Variants in CSMD1 observed in about 807,000 individuals in gnomAD.
CSMD1 encodes CUB and sushi domain-containing protein 1.
Under a neutral mutation model 417.5 loss-of-function variants are expected in CSMD1, and 213 were observed. The observed-to-expected ratio is 0.51, with a 90% confidence interval of 0.46 to 0.57. CSMD1 has a LOEUF of 0.57. CSMD1 is among the 20% of genes least tolerant of loss of function. The pLI, the probability that CSMD1 is intolerant of heterozygous loss-of-function variation, is 0.00. For synonymous variants in CSMD1, 2,862 were observed against 1,736.8 expected (o/e 1.65, Z -16.11); for missense variants, 6,923 against 4,529.7 (o/e 1.53, Z -15.17).
At chr8:4,638,200 T>C (rs910198590) in intron 1 of CSMD1, among the ~76,000 whole-genome samples, 3 of 152,264 alleles carry the variant, frequency 2.0e-5, no homozygotes, top group African/African-American at 7.2e-5. Flanking sequence ...ATCTACATAG[T>C]ATCATGCTTA....
intron 3 of CSMD1, among the ~76,000 whole-genome samples, chr8:4,236,108 C>G (rs947816345): frequency 3.6e-5 from 5 of 139,856 alleles, no homozygotes; most frequent in African/African-American, 1.4e-4. Context: ...AGGCCCAGCA[C>G]AGGGCTTCAA....
At chr8:3,485,772 TAAAATAAAATAAAATA>T (rs1817995193) in intron 11 of CSMD1, among the ~76,000 whole-genome samples, 2 of 11,388 alleles carry the variant, frequency 1.8e-4, no homozygotes, top group African/African-American at 4.9e-4. Context: ...AAAAATAAAA[TAAAATAAAATAAAATA>T]AAATAAAATA....
chr8:4,479,194 G>T (rs1414661846), intron 2 of CSMD1, among the ~76,000 whole-genome samples: 1 of 152,144 alleles, frequency 6.6e-6, no homozygotes, highest in Non-Finnish European at 1.5e-5. Flanking sequence ...ACCTTGAAAT[G>T]TCTTCAGAGC....
chr8:3,342,333 C>A (rs903657301), intron 23 of CSMD1, among the ~76,000 whole-genome samples: 1 of 152,042 alleles, frequency 6.6e-6, no homozygotes, highest in African/African-American at 2.4e-5. Flanking sequence ...TTTTGCCTAT[C>A]CATCAAATAA....
chr8:3,684,603 T>C (rs1799847304), intron 7 of CSMD1, among the ~76,000 whole-genome samples: 1 of 149,008 alleles, frequency 6.7e-6, no homozygotes, highest in Admixed American at 6.7e-5. Flanking sequence ...AGTCTTTTTT[T>C]TTTTTTTTTT....
chr8:4,434,234 T>A (rs896850442), intron 2 of CSMD1, among the ~76,000 whole-genome samples: 1 of 152,030 alleles, frequency 6.6e-6, no homozygotes, highest in Non-Finnish European at 1.5e-5. Context: ...GCTAATTCCA[T>A]AGGGTGTGGC....
At chr8:3,541,775 C>T (rs1398751499) in intron 10 of CSMD1, among the ~76,000 whole-genome samples, 1 of 150,468 alleles carries the variant, frequency 6.6e-6, no homozygotes, top group Admixed American at 6.6e-5. Context: ...ATATCAACTA[C>T]AGCTGTTCTT....
intron 18 of CSMD1, among the ~76,000 whole-genome samples, chr8:3,372,128 G>T (rs1254380390): frequency 6.6e-6 from 1 of 152,206 alleles, no homozygotes; most frequent in Admixed American, 6.5e-5. Context: ...AAAGGGATGG[G>T]ATAGTGTGAG....
chr8:4,878,192 A>C, intron 1 of CSMD1, among the ~76,000 whole-genome samples: 1 of 152,092 alleles, frequency 6.6e-6, no homozygotes, highest in South Asian at 2.1e-4. Context: ...GTGGTTCTTA[A>C]AATCACTCAC....
intron 7 of CSMD1, among the ~76,000 whole-genome samples, chr8:3,638,145 C>T (rs1797136671): frequency 6.6e-6 from 1 of 152,144 alleles, no homozygotes; most frequent in Non-Finnish European, 1.5e-5. Context: ...GTAAGATCTC[C>T]TGCCCCTCAC....
chr8:4,534,632 T>G (rs1797006948), intron 2 of CSMD1, among the ~76,000 whole-genome samples: 1 of 152,112 alleles, frequency 6.6e-6, no homozygotes, highest in Non-Finnish European at 1.5e-5. Context: ...TTTTCCCATT[T>G]TTATGGCCAT....
chr8:3,100,503 G>A (rs769447681), intron 46 of CSMD1, among the ~76,000 whole-genome samples: 10 of 152,214 alleles, frequency 6.6e-5, no homozygotes, highest in Non-Finnish European at 1.3e-4. Flanking sequence ...TAGCTGAGAT[G>A]TTTATTTCTT....
intron 23 of CSMD1, among the ~76,000 whole-genome samples, chr8:3,317,716 A>G (rs1161730757): frequency 2.0e-5 from 3 of 152,210 alleles, no homozygotes; most frequent in African/African-American, 4.8e-5. Flanking sequence ...TGTGTTCACA[A>G]TATCATGCCT....
chr8:4,266,295 T>C (rs1804220064), intron 3 of CSMD1, among the ~76,000 whole-genome samples: 1 of 105,210 alleles, frequency 9.5e-6, no homozygotes, highest in African/African-American at 2.6e-5. Context: ...TTGTTTTCTA[T>C]GTAAGAGAAA....
At chr8:4,713,672 G>A (rs1001720540) in intron 1 of CSMD1, among the ~76,000 whole-genome samples, 4 of 152,078 alleles carry the variant, frequency 2.6e-5, no homozygotes, top group Non-Finnish European at 5.9e-5. Context: ...ACAGAGGTCA[G>A]GACCCAGAGC....
intron 10 of CSMD1, among the ~76,000 whole-genome samples, chr8:3,570,294 G>C (rs1000165364): frequency 1.3e-5 from 2 of 152,194 alleles, no homozygotes; most frequent in East Asian, 1.9e-4. Flanking sequence ...GCCTGGATGT[G>C]ATGGATATCA....
intron 3 of CSMD1, among the ~76,000 whole-genome samples, chr8:4,231,415 A>G (rs1317283762): frequency 6.6e-6 from 1 of 152,208 alleles, no homozygotes; most frequent in Non-Finnish European, 1.5e-5. Flanking sequence ...AAGTTGTTAC[A>G]AAAATTACGA....
intron 7 of CSMD1, among the ~76,000 whole-genome samples, chr8:3,670,864 GAT>G (rs1230332882): frequency 6.7e-6 from 1 of 150,340 alleles, no homozygotes; most frequent in Non-Finnish European, 1.5e-5. Flanking sequence ...ATATGTATGG[GAT>G]ATATATGTAT....
At chr8:4,732,083 C>G (rs1393191393) in intron 1 of CSMD1, among the ~76,000 whole-genome samples, 1 of 152,102 alleles carries the variant, frequency 6.6e-6, no homozygotes, top group African/African-American at 2.4e-5. Flanking sequence ...ATCTTTCCAA[C>G]AGTCCCGCAT....
Sources: allele counts gnomAD v4.1 joint callset (sites outside exome capture counted in the v4.1 genomes callset), GRCh38; gene constraint gnomAD v4.1.1; transcripts MANE v1.5; gene names NCBI Gene and HGNC (gene_info 2026-07-23, HGNC 2026-07-21).